Variants in FAM227B observed in about 807,000 individuals in gnomAD.
FAM227B encodes the protein family with sequence similarity 227 member B.
FAM227B carries 88 observed loss-of-function variants against 73.8 expected under a neutral mutation model. The observed-to-expected ratio is 1.19, with a 90% CI of 1.00 to 1.42. The LOEUF (loss-of-function observed/expected upper bound fraction) is 1.42, where lower values mean the gene tolerates loss of function less well. Among genes scored for constraint, FAM227B ranks in the 40% most tolerant of loss-of-function variants. The pLI, the probability that FAM227B is intolerant of heterozygous loss-of-function variation, is 0.00. For synonymous variants in FAM227B, 210 were observed against 190.5 expected, an observed-to-expected ratio of 1.10 and a Z score of -0.84; for missense variants, 632 against 590.9, an observed-to-expected ratio of 1.07 and a Z score of -0.72.
intron 11 of FAM227B, among the ~76,000 whole-genome samples, chr15:49,385,042 C>A (rs1314988474): frequency 6.6e-6 from 1 of 151,910 alleles, no homozygotes; most frequent in Non-Finnish European, 1.5e-5. Flanking sequence ...GTAAAACGTG[C>A]TCTAATAGCA....
chr15:49,344,389 C>T (rs2151251764), intron 13 of FAM227B: 1 of 152,184 alleles, frequency 6.6e-6, no homozygotes, highest in South Asian at 2.1e-4. Flanking sequence ...TTAATGTTTG[C>T]AAAAGGTTAC....
At chr15:49,567,283 C>T (rs1485594073) in intron 9 of FAM227B, among the ~76,000 whole-genome samples, 1 of 143,808 alleles carries the variant, frequency 7.0e-6, no homozygotes, top group Non-Finnish European at 1.6e-5. Flanking sequence ...TTAAGAATCA[C>T]TGTCTTAAAA....
intron 14 of FAM227B, among the ~76,000 whole-genome samples, chr15:49,334,826 A>C (rs1008853978): frequency 3.3e-5 from 5 of 152,188 alleles, no homozygotes; most frequent in Admixed American, 2.6e-4. Flanking sequence ...AGTAACCTTG[A>C]CAGCATGGAT....
At position 49,588,041 on chromosome 15, in the gene FAM227B, T is replaced by C; in HGVS notation, c.380A>G (p.Lys127Arg). 1 of 1,446,206 alleles carries C rather than the reference T, an allele frequency of 6.9e-7. No individual in the cohort carries two copies. 89.6% of individuals were successfully genotyped at this position (1,446,206 alleles called of 1,614,324 possible). Reference sequence around the variant, plus strand: ...CATTATCTTTTTTTTCTTATGGTACTTCTTTAGAAATTCCCCATATCGTTC... The same window carrying C: ...CATTATCTTTTTTTTCTTATGGTACCTCTTTAGAAATTCCCCATATCGTTC... ...KLERYGEFLK[K>R]YHKKKKIMLS... The change falls in exon 5 of 16, where the codon AAG becomes AGG. Residue 127 changes from lysine (K) to arginine (R), a missense_variant. By Grantham distance (26) the Lys-to-Arg change is conservative. Coordinates refer to ENST00000299338, the MANE Select transcript of FAM227B (RefSeq NM_152647.3).
At chr15:49,393,652 A>G (rs2047368063) in intron 11 of FAM227B, among the ~76,000 whole-genome samples, 1 of 152,112 alleles carries the variant, frequency 6.6e-6, no homozygotes, top group African/African-American at 2.4e-5. Context: ...ATGAATGAAT[A>G]CAATAAGGAT....
At chr15:49,581,241 C>T (rs1567627012) in intron 5 of FAM227B, among the ~76,000 whole-genome samples, 2 of 152,040 alleles carry the variant, frequency 1.3e-5, no homozygotes, top group East Asian at 3.9e-4. Context: ...GGCAGGTAAA[C>T]CTACAAAGGG....
intron 11 of FAM227B, among the ~76,000 whole-genome samples, chr15:49,391,526 A>AGATAAAGGGAATATGAAATCTGATTGC (rs1488175593): frequency 6.6e-6 from 1 of 152,152 alleles, no homozygotes; most frequent in African/African-American, 2.4e-5. Context: ...CACAGACTTC[A>AGATAAAGGGAATATGAAATCTGATTGC]GATAAAGGGA....
chr15:49,396,771 C>CAA (rs2047695008), intron 11 of FAM227B, among the ~76,000 whole-genome samples: 1 of 146,790 alleles, frequency 6.8e-6, no homozygotes, highest in Admixed American at 6.9e-5. Context: ...CTCCAACAGA[C>CAA]CTGCGGCTGA....
intron 11 of FAM227B, among the ~76,000 whole-genome samples, chr15:49,387,857 G>A (rs555135022): frequency 4.9e-4 from 75 of 151,598 alleles, no homozygotes; most frequent in African/African-American, 1.5e-3. Flanking sequence ...GATCAAGAAC[G>A]TGATCTCTTT....
At chr15:49,503,880 G>A (rs1437884380) in intron 11 of FAM227B, among the ~76,000 whole-genome samples, 6 of 152,274 alleles carry the variant, frequency 3.9e-5, no homozygotes, top group African/African-American at 1.4e-4. Flanking sequence ...ATTCCTCAGG[G>A]ACCTAGAACT....
chr15:49,428,539 T>C (rs926874858), intron 11 of FAM227B, among the ~76,000 whole-genome samples: 2 of 151,938 alleles, frequency 1.3e-5, no homozygotes, highest in Admixed American at 6.6e-5. Context: ...ACAGAGGCTA[T>C]CATTCTGCAC....
At chr15:49,369,237 G>A (rs1168263104) in intron 12 of FAM227B, among the ~76,000 whole-genome samples, 4 of 152,094 alleles carry the variant, frequency 2.6e-5, no homozygotes, top group African/African-American at 7.2e-5. Flanking sequence ...GATTACAGGC[G>A]TGAGCCACTG....
At chr15:49,481,229 T>C (rs1436144232) in intron 11 of FAM227B, among the ~76,000 whole-genome samples, 1 of 152,236 alleles carries the variant, frequency 6.6e-6, no homozygotes, top group Admixed American at 6.5e-5. Context: ...ACAGTTTTTG[T>C]CATAAAAGTA....
At chr15:49,433,834 C>T (rs903423244) in intron 11 of FAM227B, among the ~76,000 whole-genome samples, 2 of 151,526 alleles carry the variant, frequency 1.3e-5, no homozygotes, top group African/African-American at 2.4e-5. Context: ...AAACTATAAA[C>T]AGAAAAAAAC....
intron 1 of FAM227B, among the ~76,000 whole-genome samples, chr15:49,616,157 G>T (rs1184898176): frequency 6.6e-6 from 1 of 152,134 alleles, no homozygotes; most frequent in Non-Finnish European, 1.5e-5. Context: ...ATATGTTCAA[G>T]CCCTAACACT....
intron 11 of FAM227B, among the ~76,000 whole-genome samples, chr15:49,507,727 GA>G (rs879427797): frequency 2.7e-5 from 4 of 150,278 alleles, no homozygotes; most frequent in African/African-American, 4.9e-5. Flanking sequence ...GGATCATTTG[GA>G]AAAAAAAAAC....
intron 3 of FAM227B, among the ~76,000 whole-genome samples, chr15:49,607,191 T>G (rs1380788432): frequency 6.6e-6 from 1 of 152,162 alleles, no homozygotes; most frequent in Non-Finnish European, 1.5e-5. Flanking sequence ...AATAGTAAGA[T>G]ATGAAAATAA....
Position 49,328,582 on chromosome 15 carries a change from C to T in FAM227B, c.1513G>A (p.Glu505Lys). 2 of 1,600,702 alleles carry T rather than the reference C, an allele frequency of 1.2e-6. No homozygotes were observed. Among genetic ancestry groups the T allele is most frequent in the Non-Finnish European group, 1.7e-6 (2 of 1,171,224 alleles). ...PSSTDNYNFE[E>K]EEY ...TCTGGTTTCTCTTAGTATTCTTCTT[C>T]CTCAAAGTTGTAGTTGTCTGTTGAT... Residue 505 changes from glutamate to lysine, a missense_variant, in exon 16 of 16, where the codon GAA (glutamate) becomes AAA (lysine). Physicochemically the swap from Glu to Lys is moderately conservative, Grantham distance 56. Coordinates refer to ENST00000299338, the MANE Select transcript of FAM227B (RefSeq NM_152647.3).
At chr15:49,497,223 G>A (rs1028669001) in intron 11 of FAM227B, among the ~76,000 whole-genome samples, 1 of 152,164 alleles carries the variant, frequency 6.6e-6, no homozygotes, top group Non-Finnish European at 1.5e-5. Flanking sequence ...ATACATTAGA[G>A]CAGATGAAAC....
Sources: allele counts gnomAD v4.1 joint callset (sites outside exome capture counted in the v4.1 genomes callset), GRCh38; gene constraint gnomAD v4.1.1; transcripts MANE v1.5; gene names NCBI Gene and HGNC (gene_info 2026-07-23, HGNC 2026-07-21).